Variants in MYO15A observed in about 807,000 individuals in gnomAD.
The protein encoded by MYO15A is myosin XVA.
In MYO15A, 308 loss-of-function variants were observed where a neutral mutation model predicts 394.6. The ratio of observed to expected loss-of-function variants is 0.78; its 90% CI spans 0.71 to 0.86. The LOEUF is 0.86. Among genes scored for constraint, MYO15A ranks in the 40% least tolerant of loss-of-function variants. The pLI is 0.00. For synonymous variants in MYO15A, 1,957 were observed against 2,003.8 expected, an observed-to-expected ratio of 0.98 and a Z score of 0.62; for missense variants, 4,606 against 4,799.1, an observed-to-expected ratio of 0.96 and a Z score of 1.19.
At chr17:18,151,368 T>G (rs1050273675) in intron 39 of MYO15A, 27 bp from the exon 40 acceptor site, 3 of 1,614,186 alleles carry the variant, frequency 1.9e-6, no homozygotes, top group Non-Finnish European at 2.5e-6. Context: ...GGCCTCACCC[T>G]GTTCCCACCG....
In MYO15A at chr17:18,121,590, C is replaced by A; in HGVS notation, c.2790C>A (p.Asp930Glu). 1 of 1,598,696 alleles carries A rather than the reference C, an allele frequency of 6.3e-7. No individual in the cohort carries two copies. The highest frequency in any genetic ancestry group is 2.3e-5 in the East Asian group (1 of 44,358). Reference sequence around the variant, plus strand: ...TGCCCCCACTGGCCCCCAGCTGGGACGTGGACATGCCTCCCACCCAACGCC... The same window carrying A: ...TGCCCCCACTGGCCCCCAGCTGGGAAGTGGACATGCCTCCCACCCAACGCC... ...WTVPPLAPSW[D>E]VDMPPTQRPP... The change falls in exon 2 of 66, where the codon GAC (aspartate) becomes GAA (glutamate). Residue 930 changes from aspartate to glutamate, a missense_variant. Around this residue, in one of 2 missense-constraint regions of MYO15A, gnomAD observed 1,830 missense variants for 1,689.7 expected, o/e 1.08. Coordinates refer to ENST00000647165, the MANE Select transcript of MYO15A (RefSeq NM_016239.4). This position sits in a 1 kb window ranked among gnomAD's most constrained non-coding sequence, Gnocchi z 5.3.
Position 18,131,319 on chromosome 17 carries a change from G to C in MYO15A, c.4119G>C (p.Lys1373Asn). Residue 1373 changes from lysine to asparagine, a missense_variant, in exon 9 of 66, where the codon AAG becomes AAC. This residue lies in a region of MYO15A where 2,776 missense variants were observed against 3,109.3 expected (regional missense o/e 0.89). Transcript: ENST00000647165. ...VRNDNSSRFG[K>N]FVEIFLEGGV... The stretch of plus-strand genomic sequence containing the variant: ...ACGACAACTCCAGCCGCTTTGGGAA[G>C]TTTGTGGAAATCTTTCTGGAAGGGT... 6.2e-7 allele frequency: 1 copy of C among 1,614,148 alleles called. No homozygotes were observed. The highest frequency in any genetic ancestry group is 1.1e-5 in the South Asian group (1 of 91,090).
Position 18,120,688 on chromosome 17 carries a change from A to G in MYO15A, c.1888A>G (p.Arg630Gly), listed in dbSNP as rs764751762. ...GCCCGGCACGCCCATCGTGCTGAGG[A>G]GGGCCCAGCCACGCGCTCGCAGCAG... Reference protein sequence around the residue: ...EKPGTPIVLRRAQPRARSSND... With the variant: ...EKPGTPIVLRGAQPRARSSND... Residue 630 changes from arginine to glycine, a missense_variant, in exon 2 of 66, where the codon AGG (arginine) becomes GGG (glycine). By Grantham distance (125) the Arg-to-Gly change is moderately radical. This residue lies in a region of MYO15A where 1,830 missense variants were observed against 1,689.7 expected (regional missense o/e 1.08). Transcript: ENST00000647165. 14 of 1,565,686 alleles carry G rather than the reference A, an allele frequency of 8.9e-6. No individual in the cohort carries two copies. In the Admixed American group the frequency reaches 1.5e-4, roughly 16 times the overall value.
intron 62 of MYO15A, chr17:18,169,438 A>T (rs2046907604): frequency 6.7e-6 from 1 of 149,200 alleles, no homozygotes; most frequent in Admixed American, 6.8e-5. Flanking sequence ...CAAGAAGAGC[A>T]AAACTCCGTC....
rs2046751898 is a variant in MYO15A at position 18,159,973 on chromosome 17, C to T, written c.9342C>T (p.Tyr3114=). The T allele has an allele frequency of 3.1e-6, 5 of 1,614,026 alleles. No homozygotes were observed. The highest frequency in any genetic ancestry group is 2.2e-5 in the South Asian group (2 of 91,078). The change falls in exon 56 of 66, where the codon TAC becomes TAT. Residue 3114 remains tyrosine (Y), a synonymous_variant. Transcript: ENST00000647165. The part of the protein sequence containing the change: ...GDHEVMRDEC[Y]CQVVKQITDN... ...ATGAGGTCATGCGGGATGAATGTTACTGCCAAGTTGTGAAGCAGATCACAG... is the reference window on the plus strand; with the variant it reads ...ATGAGGTCATGCGGGATGAATGTTATTGCCAAGTTGTGAAGCAGATCACAG...
rs2046142865 is a variant in MYO15A, at chr17:18,130,816, CA to C, written c.4038+7del. 3.7e-6 allele frequency: 5 copies of C among 1,335,814 alleles called. No homozygotes were observed. Among genetic ancestry groups the C allele is most frequent in the Non-Finnish European group, 5.1e-6 (5 of 989,674 alleles). 82.7% of individuals were successfully genotyped at this position (1,335,814 alleles called of 1,614,324 possible). A position where few individuals can be genotyped will look rare whatever the true frequency, so the allele number is the denominator to read the frequency against. Reference sequence around the variant, plus strand: ...GGACGCTCTTGAAGATAAAGGTACTCAGTGTGTGTGTGTGTGTGTGTGTGTG... The same window carrying C: ...GGACGCTCTTGAAGATAAAGGTACTCGTGTGTGTGTGTGTGTGTGTGTGTG... On this transcript the variant is annotated splice_region_variant and intron_variant, in intron 8 of 65. Transcript: ENST00000647165.
At chr17:18,165,265 G>A (rs2046836686) in intron 60 of MYO15A, among the ~76,000 whole-genome samples, 1 of 152,022 alleles carries the variant, frequency 6.6e-6, no homozygotes. Context: ...AAATTTAGTG[G>A]CTTAAAAAAA....
intron 60 of MYO15A, among the ~76,000 whole-genome samples, 178 bp from the exon 61 acceptor site, chr17:18,166,183 A>G (rs138001047): frequency 6.6e-6 from 1 of 152,368 alleles, no homozygotes; most frequent in African/African-American, 2.4e-5. Context: ...AGGACACCCC[A>G]TTCGACAAGC....
chr17:18,142,032 C>G (rs1192066445), intron 23 of MYO15A, 47 bp from the exon 24 acceptor site: 4 of 1,605,070 alleles, frequency 2.5e-6, no homozygotes, highest in Non-Finnish European at 3.4e-6. Flanking sequence ...GCCCTTAGTC[C>G]AGCCTCCTGG....
chr17:18,162,719 G>A lies in MYO15A; in HGVS notation c.9612+40G>A, dbSNP rs779440968. 5 of 1,600,682 alleles carry A rather than the reference G, an allele frequency of 3.1e-6. No homozygotes were observed. In the South Asian group the frequency reaches 5.5e-5, roughly 18 times the overall value. The stretch of plus-strand genomic sequence containing the variant: ...GGAGTGGGTTCAAAATGAATGGGAG[G>A]CTGGGCGCAGTGGCTCATGCCTGTA... On this transcript the variant is annotated intron_variant, in intron 58 of 65. Transcript: ENST00000647165.
In MYO15A at chr17:18,169,970, C is replaced by CAAA. The variant is rs202026399; in HGVS notation, c.10083-1643_10083-1641dup. 9.4e-4 allele frequency among the ~76,000 whole-genome samples: 56 copies of CAAA among 59,744 alleles called. 1 individual carries two copies. The highest frequency in any genetic ancestry group is 3.6e-3 in the African/African-American group (45 of 12,588). 39.2% of individuals were successfully genotyped at this position (59,744 alleles called of 152,430 possible). ...TAGGTAACAGAGCAAGACCCTGTCT[C>CAAA]AAAAAAAAAAAAAAAAAAAAAAAAA... On this transcript the variant is annotated intron_variant, in intron 62 of 65. Coordinates refer to ENST00000647165, the MANE Select transcript of MYO15A (RefSeq NM_016239.4).
Position 18,118,573 on chromosome 17 carries a change from C to T in MYO15A, c.-219-9C>T. ...AACAACACCCACACACTTTCTACTA[C>T]TGCTCTAGGGTGAAACCCAAGGCGC... On this transcript the variant is annotated splice_polypyrimidine_tract_variant and intron_variant, in intron 1 of 65. Transcript: ENST00000647165. 3 of 609,326 alleles carry T rather than the reference C, an allele frequency of 4.9e-6. No individual in the cohort carries two copies. The highest frequency in any genetic ancestry group is 4.0e-5 in the South Asian group (2 of 50,012). The allele number at this position is 609,326 out of a possible 1,614,324, so 37.7% of individuals were successfully genotyped here. A position where few individuals can be genotyped will look rare whatever the true frequency, so the allele number is the denominator to read the frequency against.
intron 17 of MYO15A, 112 bp downstream of exon 17, chr17:18,138,358 G>A (rs974863645): frequency 7.2e-6 from 10 of 1,386,010 alleles, no homozygotes; most frequent in Middle Eastern, 1.7e-4. Flanking sequence ...GTCAGGCAGT[G>A]GGGGGTTGGG....
Position 18,159,000 on chromosome 17 carries a change from G to T in MYO15A, c.9156+3G>T, listed in dbSNP as rs750925799. ...AGGACATGCTTTGCTTCACCAAGGT[G>T]TCCAGTCCCGGACCTCAGTTTCCCC... On this transcript the variant is annotated splice_donor_region_variant and intron_variant, in intron 53 of 65. Transcript: ENST00000647165. The T allele has an allele frequency of 6.2e-7, 1 of 1,613,686 alleles. No homozygotes were observed. The highest frequency in any genetic ancestry group is 1.1e-5 in the South Asian group (1 of 91,054).
rs1388032878 is a variant in MYO15A at position 18,120,374 on chromosome 17, T to C, written c.1574T>C (p.Val525Ala). ...GAGGAGCTGCCCCCGGTTTCCGCTG[T>C]GCCCTACGGCCACCCTTTCTGGGGC... ...DEEELPPVSA[V>A]PYGHPFWGFL... The change falls in exon 2 of 66, where the codon GTG becomes GCG. Residue 525 changes from valine to alanine, a missense_variant. Coordinates refer to ENST00000647165, the MANE Select transcript of MYO15A (RefSeq NM_016239.4). 2 of 1,611,820 alleles carry C rather than the reference T, an allele frequency of 1.2e-6. No homozygotes were observed. Among genetic ancestry groups the C allele is most frequent in the Non-Finnish European group, 1.7e-6 (2 of 1,179,882 alleles).
chr17:18,136,273 G>T, intron 13 of MYO15A, 144 bp from the exon 14 acceptor site: 1 of 985,760 alleles, frequency 1.0e-6, no homozygotes, highest in South Asian at 1.4e-5. Flanking sequence ...GGGGGCAGGG[G>T]TGGTCCTGCC....
At chr17:18,129,292 G>A (rs1156991153) in intron 7 of MYO15A, among the ~76,000 whole-genome samples, 4 of 152,292 alleles carry the variant, frequency 2.6e-5, no homozygotes, top group Admixed American at 6.5e-5. Context: ...CACTCCATCC[G>A]CTGGCTTTAT....
chr17:18,157,853 G>T lies in MYO15A; in HGVS notation c.8920G>T (p.Ala2974Ser). 6.3e-7 allele frequency: 1 copy of T among 1,585,606 alleles called. No individual in the cohort carries two copies. The change falls in exon 51 of 66, where the codon GCT (alanine) becomes TCT (serine). Residue 2974 changes from alanine (A) to serine (S), a missense_variant. Physicochemically the swap from Ala to Ser is moderately conservative, Grantham distance 99. Coordinates refer to ENST00000647165, the MANE Select transcript of MYO15A (RefSeq NM_016239.4). ...CGGCCGAGCAGCCGCCGTGGCCGCT[G>T]CTGTGGCCTCTGCAGCCGCTGCACA... Reference protein sequence around the residue: ...GRGRAAAVAAAVASAAAAQEV... With the variant: ...GRGRAAAVAASVASAAAAQEV...
In MYO15A at chr17:18,154,686, C is replaced by A; in HGVS notation, c.8155C>A (p.His2719Asn). 1 of 1,613,478 alleles carries A rather than the reference C, an allele frequency of 6.2e-7. No individual in the cohort carries two copies. ...QLDLLFRQIL[H>N]DTLSEACLRI... Reference sequence around the variant, plus strand: ...TCACAGCCTGTTCCCACAGATCCTGCACGACACGCTCTCCGAGGCCTGCCT... The same window carrying A: ...TCACAGCCTGTTCCCACAGATCCTGAACGACACGCTCTCCGAGGCCTGCCT... The change falls in exon 45 of 66, where the codon CAC becomes AAC. Residue 2719 changes from histidine to asparagine, a missense_variant. This residue lies in a region of MYO15A where 2,776 missense variants were observed against 3,109.3 expected (regional missense o/e 0.89). Coordinates refer to ENST00000647165, the MANE Select transcript of MYO15A (RefSeq NM_016239.4).
Sources: gnomAD v4.1 joint callset for allele counts (sites outside exome capture counted in the v4.1 genomes callset) on GRCh38, gnomAD v4.1.1 for gene constraint, gnomAD v4.1.1 regional missense constraint, Gnocchi (gnomAD v3.1) non-coding constraint, MANE v1.5 for transcripts, NCBI Gene and HGNC (gene_info 2026-07-23, HGNC 2026-07-21) for gene names.